MAF: variants seen among roughly 807,000 people sequenced by gnomAD.
The protein encoded by MAF is transcription factor Maf.
In MAF, 10 loss-of-function variants were observed where a neutral mutation model predicts 22.0. That is an observed-to-expected ratio of 0.45 (90% confidence interval 0.28 to 0.77). The LOEUF (loss-of-function observed/expected upper bound fraction) is 0.77, where lower values mean the gene tolerates loss of function less well. Among genes scored for constraint, MAF ranks in the 30% least tolerant of loss-of-function variants. MAF has a pLI of 0.12. For synonymous variants in MAF, 337 were observed against 255.8 expected, an observed-to-expected ratio of 1.32 and a Z score of -3.03; for missense variants, 544 against 548.4, an observed-to-expected ratio of 0.99 and a Z score of 0.08.
the MAF span, among the ~76,000 whole-genome samples, chr16:79,320,433 A>T: frequency 4.6e-5 from 7 of 152,288 alleles, no homozygotes; most frequent in East Asian, 1.2e-3. Flanking sequence ...CAGAGTGGGG[A>T]TGCCGTTGGT....
the MAF span, among the ~76,000 whole-genome samples, chr16:79,436,911 G>A: frequency 7.2e-5 from 11 of 152,258 alleles, no homozygotes; most frequent in South Asian, 1.9e-3. Flanking sequence ...ACTGTCTTGG[G>A]CAAAGTCTCC....
chr16:79,341,739 G>A, the MAF span, among the ~76,000 whole-genome samples: 1 of 152,190 alleles, frequency 6.6e-6, no homozygotes, highest in African/African-American at 2.4e-5. Context: ...GTTGAAGGAG[G>A]AGTGGAAGCA....
At chr16:79,408,311 G>A in the MAF span, among the ~76,000 whole-genome samples, 1 of 151,916 alleles carries the variant, frequency 6.6e-6, no homozygotes, top group African/African-American at 2.4e-5. Flanking sequence ...GGAGTAGCTG[G>A]GATTACAGGT....
the MAF span, among the ~76,000 whole-genome samples, chr16:79,379,501 G>GCACACACA: frequency 2.0e-5 from 3 of 149,638 alleles, no homozygotes; most frequent in South Asian, 2.1e-4. Flanking sequence ...TGGTGGAAGT[G>GCACACACA]CACACACACA....
chr16:79,313,527 A>G, the MAF span, among the ~76,000 whole-genome samples: 4 of 152,100 alleles, frequency 2.6e-5, no homozygotes, highest in Middle Eastern at 6.8e-3. Flanking sequence ...AACCCCTATC[A>G]TTTTCATTTT....
At chr16:79,384,186 G>C in the MAF span, among the ~76,000 whole-genome samples, 6 of 152,156 alleles carry the variant, frequency 3.9e-5, no homozygotes, top group Admixed American at 3.9e-4. Context: ...ACTCACGCTT[G>C]TAATCTTACC....
the MAF span, among the ~76,000 whole-genome samples, chr16:79,358,479 C>A: frequency 6.6e-6 from 1 of 152,134 alleles, no homozygotes; most frequent in Non-Finnish European, 1.5e-5. Flanking sequence ...TACTTGATCC[C>A]ACCCAACTCC....
the MAF span, among the ~76,000 whole-genome samples, chr16:79,422,069 C>T: frequency 4.6e-5 from 7 of 152,210 alleles, no homozygotes; most frequent in Non-Finnish European, 7.3e-5. Context: ...TGAGCCACCA[C>T]GCCCAGCCTT....
chr16:79,301,081 T>A, the MAF span, among the ~76,000 whole-genome samples: 1 of 150,228 alleles, frequency 6.7e-6, no homozygotes, highest in Non-Finnish European at 1.5e-5. Context: ...CCAAGCGGAG[T>A]CTCAACAAAG....
In MAF at chr16:79,600,055, A is replaced by C; in HGVS notation, c.-153T>G. 9.6e-7 allele frequency: 1 copy of C among 1,038,408 alleles called. No homozygotes were observed. The highest frequency in any genetic ancestry group is 1.4e-6 in the Non-Finnish European group (1 of 720,132). The allele number at this position is 1,038,408 out of a possible 1,614,324, so 64.3% of individuals were successfully genotyped here. On this transcript the variant is annotated 5_prime_UTR_variant, in exon 1 of 2. Transcript: ENST00000326043. ...GGCGGTGGCTGGCCCGAAACCTCCG[A>C]GCGCGCTCACACACACACCCCCCCG...
the MAF span, among the ~76,000 whole-genome samples, chr16:79,213,847 C>G: frequency 3.3e-5 from 5 of 152,222 alleles, no homozygotes; most frequent in African/African-American, 1.2e-4. Context: ...TGTTACTCAG[C>G]AAAAGCTAAC....
At chr16:79,236,521 T>C in the MAF span, among the ~76,000 whole-genome samples, 1 of 152,096 alleles carries the variant, frequency 6.6e-6, no homozygotes, top group Non-Finnish European at 1.5e-5. Context: ...GTCTTGTTTC[T>C]CTCATTCATC....
the MAF span, among the ~76,000 whole-genome samples, chr16:79,404,962 T>C: frequency 6.6e-6 from 1 of 152,208 alleles, no homozygotes; most frequent in Non-Finnish European, 1.5e-5. Context: ...TGTTTACAGA[T>C]TACAGATGCT....
the MAF span, among the ~76,000 whole-genome samples, chr16:79,570,342 C>G: frequency 1.5e-4 from 22 of 151,232 alleles, no homozygotes; most frequent in Non-Finnish European, 3.0e-4. Context: ...ATCTTCTCCC[C>G]AGTCTTTCAG....
chr16:79,246,857 C>A, the MAF span, among the ~76,000 whole-genome samples: 1 of 150,740 alleles, frequency 6.6e-6, no homozygotes, highest in Non-Finnish European at 1.5e-5. Flanking sequence ...TCCATCTTTT[C>A]AATAATTTTC....
the MAF span, among the ~76,000 whole-genome samples, chr16:79,377,403 G>C: frequency 6.6e-6 from 1 of 152,182 alleles, no homozygotes; most frequent in Non-Finnish European, 1.5e-5. Context: ...ATTTGTTTGA[G>C]TTCATTGTAG....
the MAF span, among the ~76,000 whole-genome samples, chr16:79,529,280 G>A: frequency 6.6e-6 from 1 of 152,114 alleles, no homozygotes; most frequent in African/African-American, 2.4e-5. Context: ...GGAGTCAGAT[G>A]GATCCAGTTT....
the MAF span, among the ~76,000 whole-genome samples, chr16:79,421,574 G>A: frequency 0.6 from 90,569 of 151,810 alleles, 28,529 homozygotes; most frequent in East Asian, 0.86. Context: ...CGGAAGGGAA[G>A]ATGATAGACA....
At chr16:79,330,712 C>T in the MAF span, among the ~76,000 whole-genome samples, 26 of 152,208 alleles carry the variant, frequency 1.7e-4, no homozygotes, top group African/African-American at 6.3e-4. Context: ...ACGCACAGTG[C>T]TTACAAATTT....
Sources: allele counts gnomAD v4.1 joint callset (sites outside exome capture counted in the v4.1 genomes callset), GRCh38; gene constraint gnomAD v4.1.1; transcripts MANE v1.5; gene names NCBI Gene and HGNC (gene_info 2026-07-23, HGNC 2026-07-21).